Variants in GATM observed in about 807,000 individuals in gnomAD.
The protein encoded by GATM is glycine amidinotransferase, mitochondrial.
Under a neutral mutation model 54.2 loss-of-function variants are expected in GATM, and 23 were observed. The observed-to-expected ratio is 0.42, with a 90% CI of 0.31 to 0.60. The LOEUF (loss-of-function observed/expected upper bound fraction) is 0.60. GATM is among the 20% of genes least tolerant of loss of function. GATM has a pLI of 0.14. For missense variants in GATM, 401 were observed against 544.9 expected (o/e 0.74, Z 2.63); for synonymous variants, 168 against 183.1 (o/e 0.92, Z 0.67).
chr15:45,379,670 A>G (rs146644022), upstream of GATM: 33 of 152,388 alleles, frequency 2.2e-4, 1 homozygote, highest in African/African-American at 7.5e-4. Context: ...GAGATTGTAC[A>G]TGCAGAACTT....
chr15:45,391,383 A>T (rs964570322), intron 3 of GATM, among the ~76,000 whole-genome samples: 2 of 152,272 alleles, frequency 1.3e-5, no homozygotes, highest in East Asian at 3.9e-4. Flanking sequence ...CTGCACTCCA[A>T]CCTGGGTGAC....
At chr15:45,378,736 G>A, upstream of GATM, 1 of 352,890 alleles carries the variant, frequency 2.8e-6, no homozygotes, top group Non-Finnish European at 5.1e-6. Context: ...GGCCACTGAC[G>A]GCTTCTGTTG....
At chr15:45,383,196 G>C (rs1416593452), upstream of GATM, among the ~76,000 whole-genome samples, 2 of 152,218 alleles carry the variant, frequency 1.3e-5, no homozygotes, top group Non-Finnish European at 2.9e-5. Context: ...GATTTCAAAT[G>C]AGTTACAAAA....
chr15:45,384,977 A>C lies in GATM; in HGVS notation c.-318-8158T>G, dbSNP rs547302578. Among the ~76,000 whole-genome samples, 5 of 152,270 alleles carry C rather than the reference A, an allele frequency of 3.3e-5. No homozygotes were observed. In the South Asian group the frequency reaches 8.3e-4, roughly 25 times the overall value. ...CCTGCCTCAGCCTCCCAAAGAAATG[A>C]GATTACAGGTGTGAGCCAACCTTTC... On this transcript the variant is annotated intron_variant, in intron 3 of 4. Transcript: ENST00000561148.
At chr15:45,384,376 T>C (rs1034844056) in intron 3 of GATM, among the ~76,000 whole-genome samples, 1 of 152,202 alleles carries the variant, frequency 6.6e-6, no homozygotes, top group Admixed American at 6.5e-5. Context: ...CAGCTAGAGC[T>C]GAATGCTAAA....
intron 1 of GATM, chr15:45,377,700 T>C (rs935225440): frequency 1.2e-5 from 2 of 163,884 alleles, no homozygotes; most frequent in African/African-American, 4.8e-5. Flanking sequence ...CAGGAACCAG[T>C]TGCTGGGAGG....
chr15:45,396,438 TTTAA>T (rs1396009686), intron 3 of GATM, among the ~76,000 whole-genome samples: 1 of 152,182 alleles, frequency 6.6e-6, no homozygotes, highest in Non-Finnish European at 1.5e-5. Context: ...AGGGATGGTG[TTTAA>T]TTAGGACATT....
chr15:45,387,940 T>A (rs1207689981), intron 3 of GATM, among the ~76,000 whole-genome samples: 1 of 152,190 alleles, frequency 6.6e-6, no homozygotes, highest in Admixed American at 6.5e-5. Context: ...GGAATTCAAA[T>A]CTGAAAACCT....
intron 6 of GATM, 151 bp from the exon 7 acceptor site, chr15:45,365,011 G>A: frequency 4.4e-6 from 3 of 687,560 alleles, no homozygotes; most frequent in South Asian, 1.8e-5. Flanking sequence ...TAAACATTTG[G>A]GTGATTTTGT....
At chr15:45,393,498 C>T (rs1040507983) in intron 3 of GATM, among the ~76,000 whole-genome samples, 2 of 152,084 alleles carry the variant, frequency 1.3e-5, no homozygotes, top group East Asian at 1.9e-4. Flanking sequence ...TACAACTGTA[C>T]CTGGTACTCT....
intron 2 of GATM, among the ~76,000 whole-genome samples, chr15:45,374,515 T>A (rs1217393402): frequency 6.6e-6 from 1 of 152,240 alleles, no homozygotes; most frequent in African/African-American, 2.4e-5. Context: ...GTGTATAAAT[T>A]AATCTTCTCA....
In GATM at chr15:45,373,794, G is replaced by C. The variant is rs569038095; in HGVS notation, c.288+2807C>G. Among the ~76,000 whole-genome samples the C allele has an allele frequency of 2.6e-5, 4 of 152,180 alleles. No individual in the cohort carries two copies. The South Asian group carries it at 8.3e-4, about 32-fold the overall frequency. Reference sequence around the variant, plus strand: ...CTTGCTAGGATCCATGCATGTCTTAGATTTACTTTCTTCTCCCTCAAAACC... The same window carrying C: ...CTTGCTAGGATCCATGCATGTCTTACATTTACTTTCTTCTCCCTCAAAACC... On this transcript the variant is annotated intron_variant, in intron 2 of 8. Coordinates refer to ENST00000396659, the MANE Select transcript of GATM (RefSeq NM_001482.3).
chr15:45,373,372 G>C (rs754197087), intron 2 of GATM: 2 of 152,128 alleles, frequency 1.3e-5, no homozygotes, highest in Non-Finnish European at 2.9e-5. Flanking sequence ...GCCTGGTGGG[G>C]GACACCTGTA....
chr15:45,378,029 C>T, intron 1 of GATM: 1 of 229,128 alleles, frequency 4.4e-6, no homozygotes, highest in Non-Finnish European at 8.5e-6. Context: ...GTCGTCCCAA[C>T]CCCTTGCTCC....
At chr15:45,363,294 T>C (rs1443033114) in intron 8 of GATM, among the ~76,000 whole-genome samples, 1 of 152,094 alleles carries the variant, frequency 6.6e-6, no homozygotes, top group Non-Finnish European at 1.5e-5. Context: ...CCCTTTATAA[T>C]AGCTCATATG....
rs755708471 is a variant in GATM, at chr15:45,364,824, T to A, written c.1015A>T (p.Thr339Ser). Residue 339 changes from threonine to serine, a missense_variant, in exon 7 of 9, where the codon ACT becomes TCT. Coordinates refer to ENST00000396659, the MANE Select transcript of GATM (RefSeq NM_001482.3). Reference protein sequence around the residue: ...LFKKAGWTIITPPTPIIPDDH... With the variant: ...LFKKAGWTIISPPTPIIPDDH... Reference sequence around the variant, plus strand: ...TCTGGGATGATTGGTGTTGGAGGAGTAATGATAGTCCATCCTGCTTTCTTG... The same window carrying A: ...TCTGGGATGATTGGTGTTGGAGGAGAAATGATAGTCCATCCTGCTTTCTTG... 6.2e-7 allele frequency: 1 copy of A among 1,613,874 alleles called. No homozygotes were observed. The highest frequency in any genetic ancestry group is 1.1e-5 in the South Asian group (1 of 91,062).
intron 2 of GATM, among the ~76,000 whole-genome samples, chr15:45,375,874 C>T (rs981566470): frequency 6.6e-6 from 1 of 152,118 alleles, no homozygotes; most frequent in Non-Finnish European, 1.5e-5. Context: ...ACTTGGATTG[C>T]AGCTGCCAGG....
rs1216201690 is a variant in GATM, at chr15:45,387,679, A to C, written c.-319+9243T>G. Reference sequence around the variant, plus strand: ...TAAATGTTTGTGGAATCAATTGCCTAGTCAAAGTTTTATTTTTTCCCTTGG... The same window carrying C: ...TAAATGTTTGTGGAATCAATTGCCTCGTCAAAGTTTTATTTTTTCCCTTGG... On this transcript the variant is annotated intron_variant, in intron 3 of 4. Transcript: ENST00000561148. Among the ~76,000 whole-genome samples, 17 of 152,356 alleles carry C rather than the reference A, an allele frequency of 1.1e-4. No homozygotes were observed. The East Asian group carries it at 2.9e-3, about 26-fold the overall frequency.
chr15:45,381,884 A>G (rs1055443524), upstream of GATM, among the ~76,000 whole-genome samples: 13 of 152,242 alleles, frequency 8.5e-5, no homozygotes, highest in East Asian at 9.6e-4. Context: ...GGCTGCATCA[A>G]TAAAATATAT....
Sources: gnomAD v4.1 joint callset for allele counts (sites outside exome capture counted in the v4.1 genomes callset) on GRCh38, gnomAD v4.1.1 for gene constraint, MANE v1.5 for transcripts, NCBI Gene and HGNC (gene_info 2026-07-23, HGNC 2026-07-21) for gene names.